The following PLXNA2 variants were observed in gnomAD, a reference collection of about 807,000 sequenced individuals.
The protein encoded by PLXNA2 is plexin A2.
A neutral mutation model predicts 193.5 loss-of-function variants in PLXNA2; 91 were observed. That is an observed-to-expected ratio of 0.47 (90% CI 0.40 to 0.56). PLXNA2 has a LOEUF of 0.56. PLXNA2 is among the 20% of genes least tolerant of loss of function. The pLI is 0.00. For missense variants in PLXNA2, 1,995 were observed against 2,503.2 expected (o/e 0.80, Z 4.33); for synonymous variants, 997 against 1,027.3 (o/e 0.97, Z 0.56).
rs561484575 is a variant in PLXNA2 at position 208,186,719 on chromosome 1, T to A, written c.1371+23561A>T. ...GGAATTGCAATGTTATTTTATTTTT[T>A]TTTTTTTTTTTGAGACGGAGTCTCG... On this transcript the variant is annotated intron_variant, in intron 3 of 31. Transcript: ENST00000367033. 6.6e-3 allele frequency among the ~76,000 whole-genome samples: 889 copies of A among 133,832 alleles called. 18 individuals are homozygous for A. The highest frequency in any genetic ancestry group is 0.027 in the African/African-American group (826 of 31,140). 87.8% of individuals were successfully genotyped at this position (133,832 alleles called of 152,430 possible). A position where few individuals can be genotyped will look rare whatever the true frequency, so the allele number is the denominator to read the frequency against.
chr1:208,149,987 C>T (rs1450433481), intron 3 of PLXNA2, among the ~76,000 whole-genome samples: 2 of 152,208 alleles, frequency 1.3e-5, no homozygotes, highest in Admixed American at 6.5e-5. Context: ...CAGGCTGAGG[C>T]TCCCTGGAGG....
At chr1:208,098,494 GC>G (rs1666990991) in intron 6 of PLXNA2, among the ~76,000 whole-genome samples, 1 of 95,440 alleles carries the variant, frequency 1.0e-5, no homozygotes, top group East Asian at 4.6e-4. Context: ...ACACACACAT[GC>G]AACTCACAGA....
intron 4 of PLXNA2, among the ~76,000 whole-genome samples, chr1:208,135,872 G>A (rs1464663935): frequency 6.6e-6 from 1 of 152,206 alleles, no homozygotes; most frequent in East Asian, 1.9e-4. Flanking sequence ...GCAGCAGAGG[G>A]AAGAGGCAAG....
Position 208,038,690 on chromosome 1 carries a change from C to A in PLXNA2, c.4660+135G>T. On this transcript the variant is annotated intron_variant, in intron 25 of 31. Transcript: ENST00000367033. The surrounding 1 kb of genome is among the most constrained non-coding windows in gnomAD (Gnocchi z 4.1). ...CAGCCACATCTGAACAGGCAGCGCT[C>A]AAAGCGGGAAGCATTTCACACGGGC... The A allele has an allele frequency of 1.0e-6, 1 of 983,588 alleles. No homozygotes were observed. Among genetic ancestry groups the A allele is most frequent in the Non-Finnish European group, 1.6e-6 (1 of 640,752 alleles). The allele number at this position is 983,588 out of a possible 1,614,324, so 60.9% of individuals were successfully genotyped here.
intron 12 of PLXNA2, among the ~76,000 whole-genome samples, chr1:208,072,323 T>C (rs1666002028): frequency 6.6e-6 from 1 of 152,228 alleles, no homozygotes; most frequent in East Asian, 1.9e-4. Context: ...CTGGCATCAA[T>C]GTGGCCTTAT....
rs372981237 is a variant in PLXNA2, at chr1:208,068,671, G to A, written c.2587-7834C>T. Among the ~76,000 whole-genome samples the A allele has an allele frequency of 2.6e-5, 4 of 152,370 alleles. No individual in the cohort carries two copies. The East Asian group carries it at 5.8e-4, about 22-fold the overall frequency. On this transcript the variant is annotated intron_variant, in intron 12 of 31. Transcript: ENST00000367033. ...TGCAGTAAGGAGGGCCTGCGAAGATGACTTCCTTTGCTTGTCACACACGCC... is the reference window on the plus strand; with the variant it reads ...TGCAGTAAGGAGGGCCTGCGAAGATAACTTCCTTTGCTTGTCACACACGCC...
intron 31 of PLXNA2, 75 bp from the exon 32 acceptor site, chr1:208,027,413 C>T (rs1265125971): frequency 8.4e-7 from 1 of 1,195,598 alleles, no homozygotes. Flanking sequence ...GTCGTTCCCT[C>T]TTTGCCCTCT....
At chr1:208,121,480 G>C (rs963091735) in intron 4 of PLXNA2, among the ~76,000 whole-genome samples, 2 of 152,118 alleles carry the variant, frequency 1.3e-5, no homozygotes, top group African/African-American at 4.8e-5. Context: ...TGAATCATGG[G>C]GGTGGTTTCC....
At chr1:208,045,813 G>C in intron 18 of PLXNA2, 65 bp downstream of exon 18, 1 of 1,591,590 alleles carries the variant, frequency 6.3e-7, no homozygotes, top group Non-Finnish European at 8.6e-7. Flanking sequence ...AGTCAGGCCA[G>C]GAGCGAGGGG....
chr1:208,087,601 A>AT (rs1360190465), intron 9 of PLXNA2, among the ~76,000 whole-genome samples: 1 of 152,026 alleles, frequency 6.6e-6, no homozygotes, highest in African/African-American at 2.4e-5. Flanking sequence ...ACAGAATAGG[A>AT]TTTTTTCCCT....
intron 1 of PLXNA2, among the ~76,000 whole-genome samples, chr1:208,242,389 G>T (rs973500269): frequency 6.6e-6 from 1 of 152,138 alleles, no homozygotes; most frequent in African/African-American, 2.4e-5. Context: ...TCCACTGTGC[G>T]CGTGAATGGA....
Position 208,193,743 on chromosome 1 carries a change from C to T in PLXNA2, c.1371+16537G>A, listed in dbSNP as rs146127894. The stretch of plus-strand genomic sequence containing the variant: ...CATGCCCAAAATATAAAAAATTTGT[C>T]TGGGCTGGTCACAGTCGCTCACACC... On this transcript the variant is annotated intron_variant, in intron 3 of 31. Transcript: ENST00000367033. 2.5e-3 allele frequency among the ~76,000 whole-genome samples: 378 copies of T among 152,110 alleles called. 2 individuals are homozygous for T. The highest frequency in any genetic ancestry group is 8.7e-3 in the African/African-American group (360 of 41,504).
intron 4 of PLXNA2, among the ~76,000 whole-genome samples, chr1:208,131,355 G>A (rs888331455): frequency 3.9e-5 from 6 of 152,176 alleles, no homozygotes; most frequent in Admixed American, 3.3e-4. Context: ...GCCATCTTTC[G>A]TGTTGATCAA....
intron 4 of PLXNA2, among the ~76,000 whole-genome samples, chr1:208,138,901 C>T (rs1668382881): frequency 6.6e-6 from 1 of 152,266 alleles, no homozygotes; most frequent in African/African-American, 2.4e-5. Context: ...GTGGCATGTA[C>T]CTGTAATCCC....
intron 3 of PLXNA2, among the ~76,000 whole-genome samples, chr1:208,148,722 G>A (rs766234645): frequency 1.9e-4 from 29 of 152,298 alleles, no homozygotes; most frequent in Non-Finnish European, 3.8e-4. Context: ...TGAACACAGG[G>A]GTCACCCCTT....
chr1:208,141,422 T>C (rs950622176), intron 4 of PLXNA2, among the ~76,000 whole-genome samples: 1 of 152,200 alleles, frequency 6.6e-6, no homozygotes, highest in Non-Finnish European at 1.5e-5. Context: ...CTCTGGACCT[T>C]CAGCTCTACC....
intron 12 of PLXNA2, among the ~76,000 whole-genome samples, chr1:208,062,447 G>C (rs1558171878): frequency 6.6e-6 from 1 of 152,260 alleles, no homozygotes; most frequent in East Asian, 1.9e-4. Context: ...CTGATATGCT[G>C]TTCAGACTCC....
chr1:208,083,879 T>C (rs1386634092), intron 10 of PLXNA2, among the ~76,000 whole-genome samples: 1 of 151,192 alleles, frequency 6.6e-6, no homozygotes, highest in Non-Finnish European at 1.5e-5. Flanking sequence ...AGCTTTTGCC[T>C]GTGGAGCACC....
rs1241165682 is a variant in PLXNA2, at chr1:208,092,845, G to A, written c.2038C>T (p.Leu680Phe). The change falls in exon 9 of 32, where the codon CTC becomes TTC. Residue 680 changes from leucine (L) to phenylalanine (F), a missense_variant. This residue lies in a region of PLXNA2 where 1,291 missense variants were observed against 1,673.6 expected (regional missense o/e 0.77). Transcript: ENST00000367033. ...FRCHWCKYRN[L>F]CTHDPTTCSF... ...CAGGTGGTGGGGTCATGAGTGCAGA[G>A]GTTGCGGTACTTGCACCAATGGCAG... 1 of 1,614,050 alleles carries A rather than the reference G, an allele frequency of 6.2e-7. No homozygotes were observed. The highest frequency in any genetic ancestry group is 8.5e-7 in the Non-Finnish European group (1 of 1,179,980).
Sources: gnomAD v4.1 joint callset for allele counts (sites outside exome capture counted in the v4.1 genomes callset) on GRCh38, gnomAD v4.1.1 for gene constraint, gnomAD v4.1.1 regional missense constraint, Gnocchi (gnomAD v3.1) non-coding constraint, MANE v1.5 for transcripts, NCBI Gene and HGNC (gene_info 2026-07-23, HGNC 2026-07-21) for gene names.